Variants in SLC3A1 observed in about 807,000 individuals in gnomAD.
The protein encoded by SLC3A1 is solute carrier family 3 member 1.
SLC3A1 carries 78 observed loss-of-function variants against 60.3 expected under a neutral mutation model. The observed-to-expected ratio is 1.29, with a 90% confidence interval of 1.08 to 1.56. The LOEUF (loss-of-function observed/expected upper bound fraction) is 1.56, where lower values mean the gene tolerates loss of function less well. SLC3A1 is among the 40% of genes most tolerant of loss of function. The probability of loss-of-function intolerance (pLI) is 0.00; values close to 1 mark genes in which losing one functional copy is unlikely to be tolerated. For missense variants in SLC3A1, 1,172 were observed against 858.9 expected, an observed-to-expected ratio of 1.36 and a Z score of -4.56; for synonymous variants, 392 against 307.9, an observed-to-expected ratio of 1.27 and a Z score of -2.86.
intron 6 of SLC3A1, among the ~76,000 whole-genome samples, chr2:44,303,121 C>G (rs372254953): frequency 1.7e-4 from 26 of 151,556 alleles, no homozygotes; most frequent in African/African-American, 6.3e-4. Context: ...GAATCACTTG[C>G]ACCTGGGAGG....
At chr2:44,313,013 C>T (rs1474140015) in intron 8 of SLC3A1, among the ~76,000 whole-genome samples, 4 of 152,090 alleles carry the variant, frequency 2.6e-5, no homozygotes, top group African/African-American at 2.4e-5. Flanking sequence ...CTGATAGGCA[C>T]ATTAAAATTT....
At chr2:44,317,807 A>G (rs558550799) in intron 9 of SLC3A1, 1 of 159,450 alleles carries the variant, frequency 6.3e-6, no homozygotes, top group Non-Finnish European at 1.4e-5. Context: ...CAAATAAAAT[A>G]GGGCTTCCGA....
intron 4 of SLC3A1, among the ~76,000 whole-genome samples, chr2:44,289,490 C>G (rs1404549475): frequency 6.6e-6 from 1 of 151,872 alleles, no homozygotes; most frequent in Admixed American, 6.6e-5. Flanking sequence ...GGATTATAGG[C>G]ATGAGCCACC....
At chr2:44,315,731 G>T (rs899703959) in intron 9 of SLC3A1, among the ~76,000 whole-genome samples, 1 of 148,500 alleles carries the variant, frequency 6.7e-6, no homozygotes, top group Non-Finnish European at 1.5e-5. Flanking sequence ...TTCTAACAGA[G>T]ACAGCACTGT....
At chr2:44,294,350 C>G (rs1389990651) in intron 4 of SLC3A1, among the ~76,000 whole-genome samples, 1 of 151,784 alleles carries the variant, frequency 6.6e-6, no homozygotes, top group Non-Finnish European at 1.5e-5. Context: ...ACTAAAAATA[C>G]AAAAATTAGC....
At chr2:44,291,489 A>G (rs1461548252) in intron 4 of SLC3A1, among the ~76,000 whole-genome samples, 2 of 152,334 alleles carry the variant, frequency 1.3e-5, no homozygotes, top group East Asian at 3.9e-4. Context: ...TGAATCATTA[A>G]TGCCTCCGGT....
At chr2:44,292,867 T>C (rs1239916209) in intron 4 of SLC3A1, among the ~76,000 whole-genome samples, 1 of 152,032 alleles carries the variant, frequency 6.6e-6, no homozygotes, top group Non-Finnish European at 1.5e-5. Flanking sequence ...GCTTAAAAGG[T>C]CTTAGGTATT....
chr2:44,322,262 G>T (rs547317912), downstream of SLC3A1, among the ~76,000 whole-genome samples: 1 of 152,142 alleles, frequency 6.6e-6, no homozygotes, highest in East Asian at 1.9e-4. Context: ...AGACTGATAT[G>T]GCATGTAGTT....
intron 4 of SLC3A1, among the ~76,000 whole-genome samples, chr2:44,288,002 A>G (rs1671656629): frequency 6.6e-6 from 1 of 152,002 alleles, no homozygotes; most frequent in African/African-American, 2.4e-5. Context: ...GTATCTTCAC[A>G]GAGTTTCACA....
chr2:44,318,718 A>G (rs765064260), intron 9 of SLC3A1: 1 of 152,222 alleles, frequency 6.6e-6, no homozygotes, highest in Non-Finnish European at 1.5e-5. Flanking sequence ...AAACCTTTTT[A>G]TAGTATGTAT....
Position 44,296,534 on chromosome 2 carries a change from T to G in SLC3A1, c.892-3437T>G, listed in dbSNP as rs1317061385. Reference sequence around the variant, plus strand: ...AGGTTATTTGGGTCACCTGTGCCCATGATAAGAGTTATTCACCCCAGAACT... The same window carrying G: ...AGGTTATTTGGGTCACCTGTGCCCAGGATAAGAGTTATTCACCCCAGAACT... On this transcript the variant is annotated intron_variant, in intron 4 of 9. Transcript: ENST00000260649. Among the ~76,000 whole-genome samples, 10 of 152,338 alleles carry G rather than the reference T, an allele frequency of 6.6e-5. No individual in the cohort carries two copies. In the East Asian group the frequency reaches 1.9e-3, roughly 29 times the overall value.
chr2:44,320,311 G>C lies in SLC3A1; in HGVS notation c.1730G>C (p.Ser577Thr). 6.2e-7 allele frequency: 1 copy of C among 1,614,084 alleles called. No individual in the cohort carries two copies. The highest frequency in any genetic ancestry group is 8.5e-7 in the Non-Finnish European group (1 of 1,179,936). Residue 577 changes from serine (S) to threonine (T), a missense_variant, in exon 10 of 10, where the codon AGC becomes ACC. Coordinates refer to ENST00000260649, the MANE Select transcript of SLC3A1 (RefSeq NM_000341.4). ...RGWFCHLRND[S>T]HYVVYTRELD... ...TGGTTTTGCCATTTGAGGAATGACA[G>C]CCACTATGTTGTGTACACAAGAGAG...
intron 3 of SLC3A1, among the ~76,000 whole-genome samples, chr2:44,282,734 C>T (rs907458446): frequency 1.9e-4 from 29 of 151,932 alleles, no homozygotes; most frequent in African/African-American, 4.8e-4. Context: ...CATGGCTCAC[C>T]GCAGTCTTTG....
intron 1 of SLC3A1, among the ~76,000 whole-genome samples, chr2:44,278,935 C>T (rs970360712): frequency 2.6e-5 from 4 of 152,114 alleles, no homozygotes; most frequent in Admixed American, 1.3e-4. Flanking sequence ...TCTCAGACCC[C>T]GTGCACTGAC....
chr2:44,302,719 C>G (rs546701123), intron 6 of SLC3A1, among the ~76,000 whole-genome samples: 1 of 152,250 alleles, frequency 6.6e-6, no homozygotes, highest in Non-Finnish European at 1.5e-5. Context: ...ATAGGGACTC[C>G]AATACAAGGG....
chr2:44,285,687 C>T (rs1461711800), intron 3 of SLC3A1: 2 of 502,948 alleles, frequency 4.0e-6, no homozygotes, highest in Admixed American at 4.6e-5. Flanking sequence ...TTTTGCTTCT[C>T]TTCACAAACA....
intron 1 of SLC3A1, among the ~76,000 whole-genome samples, chr2:44,277,522 C>G (rs1671376478): frequency 6.6e-6 from 1 of 152,164 alleles, no homozygotes; most frequent in East Asian, 1.9e-4. Flanking sequence ...TTTAGCCTCC[C>G]TAATCAGACC....
At chr2:44,297,704 T>C (rs774905884) in intron 4 of SLC3A1, among the ~76,000 whole-genome samples, 5 of 152,218 alleles carry the variant, frequency 3.3e-5, no homozygotes, top group Non-Finnish European at 7.3e-5. Flanking sequence ...TGCTACAATT[T>C]GTTCACTAAG....
chr2:44,305,647 T>C (rs1052592992), intron 7 of SLC3A1, among the ~76,000 whole-genome samples: 2 of 151,978 alleles, frequency 1.3e-5, no homozygotes, highest in Non-Finnish European at 2.9e-5. Context: ...AGGCTGTTCT[T>C]GAACTCCTGA....
Sources: allele counts gnomAD v4.1 joint callset (sites outside exome capture counted in the v4.1 genomes callset), GRCh38; gene constraint gnomAD v4.1.1; transcripts MANE v1.5; gene names NCBI Gene and HGNC (gene_info 2026-07-23, HGNC 2026-07-21).